DNAAF5: variants seen among roughly 807,000 people sequenced by gnomAD.
DNAAF5 encodes the protein dynein axonemal assembly factor 5.
Under a neutral mutation model 75.8 loss-of-function variants are expected in DNAAF5, and 64 were observed. The observed-to-expected ratio is 0.84, with a 90% CI of 0.69 to 1.04. DNAAF5 has a LOEUF of 1.04. Ranked by LOEUF, DNAAF5 falls within the 50% of genes least tolerant of loss-of-function variation. DNAAF5 has a pLI of 0.00. For synonymous variants in DNAAF5, 657 were observed against 557.2 expected, an observed-to-expected ratio of 1.18 and a Z score of -2.52; for missense variants, 1,269 against 1,178.5, an observed-to-expected ratio of 1.08 and a Z score of -1.12.
Position 786,460 on chromosome 7 carries a change from A to G in DNAAF5, c.*807A>G, listed in dbSNP as rs2128088595. 1 of 152,336 alleles carries G rather than the reference A, an allele frequency of 6.6e-6. No individual in the cohort carries two copies. The highest frequency in any genetic ancestry group is 6.5e-5 in the Admixed American group (1 of 15,302). 9.4% of individuals were successfully genotyped at this position (152,336 alleles called of 1,614,324 possible). A position where few individuals can be genotyped will look rare whatever the true frequency, so the allele number is the denominator to read the frequency against. The stretch of plus-strand genomic sequence containing the variant: ...ACTTTCATGTTTGAAAATTTAATTA[A>G]AAATGTTTGTTTTAATGATTGTGTA... On this transcript the variant is annotated 3_prime_UTR_variant, in exon 13 of 13. Coordinates refer to ENST00000297440, the MANE Select transcript of DNAAF5 (RefSeq NM_017802.4).
chr7:740,249 G>A (rs1021617024), intron 2 of DNAAF5, among the ~76,000 whole-genome samples: 7 of 152,346 alleles, frequency 4.6e-5, no homozygotes, highest in South Asian at 2.1e-4. Context: ...GGTTTCTTCC[G>A]CCTGCATAGG....
intron 6 of DNAAF5, among the ~76,000 whole-genome samples, chr7:758,924 C>G (rs1782564396): frequency 6.6e-6 from 1 of 152,124 alleles, no homozygotes; most frequent in Non-Finnish European, 1.5e-5. Flanking sequence ...TTCAAGTGAT[C>G]AGCCCACCTC....
In DNAAF5 at chr7:769,601, CA is replaced by C. The variant is rs546400100; in HGVS notation, c.1784-868del. On this transcript the variant is annotated intron_variant, in intron 8 of 12. Coordinates refer to ENST00000297440, the MANE Select transcript of DNAAF5 (RefSeq NM_017802.4). ...AAACAATTGATTTTGGTCGTTGTTTCAACTATTGCTTGACTTTAATTTTTCA... is the reference window on the plus strand; with the variant it reads ...AAACAATTGATTTTGGTCGTTGTTTCACTATTGCTTGACTTTAATTTTTCA... Among the ~76,000 whole-genome samples, 594 of 152,300 alleles carry C rather than the reference CA, an allele frequency of 3.9e-3. 8 individuals are homozygous for C. The highest frequency in any genetic ancestry group is 0.014 in the African/African-American group (569 of 41,568).
At chr7:747,072 C>T (rs1016099510) in intron 4 of DNAAF5, among the ~76,000 whole-genome samples, 5 of 152,258 alleles carry the variant, frequency 3.3e-5, no homozygotes, top group Admixed American at 2.0e-4. Flanking sequence ...TTGGCCATCA[C>T]AGGTAAAGCT....
chr7:777,810 A>C (rs1014254074), intron 11 of DNAAF5, among the ~76,000 whole-genome samples: 1 of 152,222 alleles, frequency 6.6e-6, no homozygotes, highest in South Asian at 2.1e-4. Context: ...GGAATTCCTC[A>C]AGATCACGAG....
chr7:752,441 G>A (rs1398980642), intron 4 of DNAAF5, among the ~76,000 whole-genome samples: 12 of 148,078 alleles, frequency 8.1e-5, no homozygotes, highest in South Asian at 4.3e-4. Context: ...CGAAGCCTTC[G>A]TGACCACGGG....
intron 2 of DNAAF5, among the ~76,000 whole-genome samples, chr7:733,022 T>G (rs757257240): frequency 5.9e-5 from 9 of 152,356 alleles, no homozygotes; most frequent in East Asian, 1.9e-4. Flanking sequence ...CCCAGCACCA[T>G]TTATTGAAGA....
Position 762,781 on chromosome 7 carries a change from T to G in DNAAF5, c.1614+885T>G, listed in dbSNP as rs553322580. Among the ~76,000 whole-genome samples the G allele has an allele frequency of 3.3e-5, 5 of 152,114 alleles. No individual in the cohort carries two copies. In the South Asian group the frequency reaches 1.0e-3, roughly 32 times the overall value. ...GGCGCCCACCACCATACCCGGCTAA[T>G]TTTTATATTTTTAGTAGAGACAAGG... On this transcript the variant is annotated intron_variant, in intron 7 of 12. Coordinates refer to ENST00000297440, the MANE Select transcript of DNAAF5 (RefSeq NM_017802.4).
chr7:769,594 G>T (rs562917764), intron 8 of DNAAF5, among the ~76,000 whole-genome samples: 1 of 152,166 alleles, frequency 6.6e-6, no homozygotes, highest in African/African-American at 2.4e-5. Context: ...GATTTTGGTC[G>T]TTGTTTCAAC....
chr7:746,665 C>T (rs1195799976), intron 4 of DNAAF5, among the ~76,000 whole-genome samples: 5 of 150,768 alleles, frequency 3.3e-5, no homozygotes, highest in Admixed American at 2.6e-4. Context: ...GGGTCTGTGA[C>T]GTCCTTACCA....
intron 4 of DNAAF5, among the ~76,000 whole-genome samples, chr7:745,866 T>A (rs1782084009): frequency 6.6e-6 from 1 of 152,220 alleles, no homozygotes; most frequent in South Asian, 2.1e-4. Flanking sequence ...TGATTTAGAA[T>A]TGGTTCAAGG....
At chr7:780,888 A>G (rs1273314806) in intron 12 of DNAAF5, among the ~76,000 whole-genome samples, 1 of 144,474 alleles carries the variant, frequency 6.9e-6, no homozygotes, top group Non-Finnish European at 1.5e-5. Flanking sequence ...CTTTTTTTTA[A>G]TAAAATTTGT....
At chr7:783,127 A>G (rs2128087669) in intron 12 of DNAAF5, among the ~76,000 whole-genome samples, 1 of 152,272 alleles carries the variant, frequency 6.6e-6, no homozygotes, top group Non-Finnish European at 1.5e-5. Flanking sequence ...GGAGTGAGGG[A>G]CTTGGGCCGT....
Position 775,052 on chromosome 7 carries a change from TGGA to T in DNAAF5, c.2136_2138del (p.Glu712del). The T allele has an allele frequency of 6.2e-6, 10 of 1,614,012 alleles. No individual in the cohort carries two copies. The highest frequency in any genetic ancestry group is 8.5e-6 in the Non-Finnish European group (10 of 1,179,972). On this transcript the variant is annotated inframe_deletion, in exon 11 of 13. Transcript: ENST00000297440. ...CTGATGCCCCAGGTCCTGACCACCC[TGGA>T]GGAGGATTCGAAGATGACGCGACTG...
In DNAAF5 at chr7:761,831, C is replaced by T. The variant is rs1302246575; in HGVS notation, c.1549C>T (p.Leu517=). The T allele has an allele frequency of 5.0e-6, 8 of 1,605,508 alleles. No homozygotes were observed. The highest frequency in any genetic ancestry group is 6.8e-6 in the Non-Finnish European group (8 of 1,176,288). ...TCATGAGGACTGTGGCGTGGCCAGCCTGCAGCTCTTGGACGTGCTGCTGAC... is the reference window on the plus strand; with the variant it reads ...TCATGAGGACTGTGGCGTGGCCAGCTTGCAGCTCTTGGACGTGCTGCTGAC... The part of the protein sequence containing the change: ...VCHEDCGVAS[L]QLLDVLLTIV... Residue 517 remains leucine, a synonymous_variant, in exon 7 of 13, where the codon CTG becomes TTG. Coordinates refer to ENST00000297440, the MANE Select transcript of DNAAF5 (RefSeq NM_017802.4).
rs2032124723 is a variant in DNAAF5 at position 727,192 on chromosome 7, G to T, written c.472G>T (p.Ala158Ser). 2 of 1,344,678 alleles carry T rather than the reference G, an allele frequency of 1.5e-6. No individual in the cohort carries two copies. The highest frequency in any genetic ancestry group is 3.1e-5 in the African/African-American group (2 of 64,930). The allele number at this position is 1,344,678 out of a possible 1,614,324, so 83.3% of individuals were successfully genotyped here. A position where few individuals can be genotyped will look rare whatever the true frequency, so the allele number is the denominator to read the frequency against. The change falls in exon 1 of 13, where the codon GCC becomes TCC. Residue 158 changes from alanine to serine, a missense_variant. Coordinates refer to ENST00000297440, the MANE Select transcript of DNAAF5 (RefSeq NM_017802.4). The part of the protein sequence containing the change: ...LLGLAVDLCG[A>S]ALAPHLDDAL... ...GGGCCTGGCCGTGGACCTGTGCGGC[G>T]CCGCGCTCGCGCCCCACCTGGACGA... is the stretch of plus-strand genomic sequence containing the variant.
At chr7:736,116 G>C (rs1008010636) in intron 2 of DNAAF5, among the ~76,000 whole-genome samples, 1 of 152,022 alleles carries the variant, frequency 6.6e-6, no homozygotes, top group Admixed American at 6.6e-5. Flanking sequence ...GGCTTGTTTC[G>C]TGGCCTAACA....
intron 11 of DNAAF5, among the ~76,000 whole-genome samples, chr7:777,139 A>G (rs1778788433): frequency 6.6e-6 from 1 of 152,176 alleles, no homozygotes; most frequent in Non-Finnish European, 1.5e-5. Context: ...GAATTATCTC[A>G]TTATATGTTA....
chr7:757,288 C>T (rs1407599534), intron 6 of DNAAF5, among the ~76,000 whole-genome samples: 1 of 141,040 alleles, frequency 7.1e-6, no homozygotes, highest in Admixed American at 7.3e-5. Context: ...CGTTTACATT[C>T]GTTGCTGCCC....
Sources: gnomAD v4.1 joint callset for allele counts (sites outside exome capture counted in the v4.1 genomes callset) on GRCh38, gnomAD v4.1.1 for gene constraint, MANE v1.5 for transcripts, NCBI Gene and HGNC (gene_info 2026-07-23, HGNC 2026-07-21) for gene names.